GLIS3: variants seen among roughly 807,000 people sequenced by gnomAD.
GLIS3 encodes the protein GLIS family zinc finger 3, also known as zinc finger protein GLIS3.
In GLIS3, 53 loss-of-function variants were observed where a neutral mutation model predicts 78.6. That is an observed-to-expected ratio of 0.67 (90% confidence interval 0.54 to 0.85). GLIS3 has a LOEUF of 0.85. GLIS3 is among the 40% of genes least tolerant of loss of function. GLIS3 has a pLI of 0.00. For synonymous variants in GLIS3, 684 were observed against 509.9 expected, an observed-to-expected ratio of 1.34 and a Z score of -4.60; for missense variants, 1,703 against 1,231.1, an observed-to-expected ratio of 1.38 and a Z score of -5.74.
chr9:4,256,381 C>T (rs949399614), intron 2 of GLIS3, among the ~76,000 whole-genome samples: 3 of 152,082 alleles, frequency 2.0e-5, no homozygotes, highest in Non-Finnish European at 4.4e-5. Context: ...TAAGAAAATA[C>T]CTGGACAACT....
chr9:3,856,395 A>G (rs1588095238), intron 8 of GLIS3, among the ~76,000 whole-genome samples: 1 of 152,326 alleles, frequency 6.6e-6, no homozygotes, highest in Middle Eastern at 3.4e-3. Context: ...ATACAGAGGG[A>G]ATAAACAAGT....
At chr9:4,338,354 T>C (rs757746815) in intron 2 of GLIS3, among the ~76,000 whole-genome samples, 3 of 146,616 alleles carry the variant, frequency 2.0e-5, no homozygotes, top group African/African-American at 5.2e-5. Context: ...TGGATTTCTA[T>C]TATATATGTG....
intron 4 of GLIS3, among the ~76,000 whole-genome samples, chr9:3,971,094 A>T (rs576477): frequency 0.38 from 25,655 of 67,812 alleles, 3,220 homozygotes; most frequent in African/African-American, 0.56. Flanking sequence ...AAGGAAGGAT[A>T]GATCGAAGGA....
chr9:4,295,377 G>C (rs533587238), intron 1 of GLIS3, among the ~76,000 whole-genome samples: 122 of 152,226 alleles, frequency 8.0e-4, no homozygotes, highest in African/African-American at 2.9e-3. Context: ...AGTTTGGTTA[G>C]TGTTTTTCCT....
intron 4 of GLIS3, among the ~76,000 whole-genome samples, chr9:3,962,946 AG>A (rs35272998): frequency 0.38 from 45,241 of 118,674 alleles, 8,004 homozygotes; most frequent in African/African-American, 0.46. Context: ...CTGTGATTTA[AG>A]GGGGGGGGGG....
At chr9:4,295,345 A>T (rs1453813772) in intron 1 of GLIS3, among the ~76,000 whole-genome samples, 2 of 152,218 alleles carry the variant, frequency 1.3e-5, no homozygotes, top group African/African-American at 4.8e-5. Context: ...CCAGACTGTC[A>T]TCAGAATATA....
chr9:3,827,692 A>G lies in GLIS3; in HGVS notation c.*580T>C, dbSNP rs1234730103. 1.9e-5 allele frequency: 3 copies of G among 156,178 alleles called. No homozygotes were observed. The highest frequency in any genetic ancestry group is 4.3e-5 in the Non-Finnish European group (3 of 70,252). The allele number at this position is 156,178 out of a possible 1,614,324, so 9.7% of individuals were successfully genotyped here. Reference sequence around the variant, plus strand: ...ATAGGCTGCTGGCATATAAAACCTTATTTTTCTATTGAAGAGAAACACTGA... The same window carrying G: ...ATAGGCTGCTGGCATATAAAACCTTGTTTTTCTATTGAAGAGAAACACTGA... On this transcript the variant is annotated 3_prime_UTR_variant, in exon 11 of 11. Coordinates refer to ENST00000381971, the MANE Select transcript of GLIS3 (RefSeq NM_001042413.2).
At chr9:4,155,802 G>T (rs758231213) in intron 2 of GLIS3, among the ~76,000 whole-genome samples, 1 of 152,042 alleles carries the variant, frequency 6.6e-6, no homozygotes. Context: ...ATGGGTGTAC[G>T]GTGGGACCTG....
At chr9:4,335,633 AG>A (rs966030567) in intron 2 of GLIS3, among the ~76,000 whole-genome samples, 1 of 152,186 alleles carries the variant, frequency 6.6e-6, no homozygotes, top group African/African-American at 2.4e-5. Flanking sequence ...TAGTACCCTA[AG>A]TAGCCCGGGG....
chr9:4,047,627 T>G (rs1825360907), intron 4 of GLIS3, among the ~76,000 whole-genome samples: 1 of 152,158 alleles, frequency 6.6e-6, no homozygotes, highest in Non-Finnish European at 1.5e-5. Context: ...GACTTACACA[T>G]GGTTCCTGAC....
At chr9:4,250,659 G>T (rs1400646541) in intron 2 of GLIS3, among the ~76,000 whole-genome samples, 2 of 152,068 alleles carry the variant, frequency 1.3e-5, no homozygotes, top group Non-Finnish European at 2.9e-5. Context: ...GCTAGTTTTT[G>T]AATTTGTTTG....
At position 3,898,820 on chromosome 9, in the gene GLIS3, C is replaced by T. The variant is rs1212165117; in HGVS notation, c.1999G>A (p.Glu667Lys). ...QARKKLRSST[E>K]LHPDLLTDCL... ...TCTGTGAGCAGGTCTGGATGGAGCT[C>T]TGTGCTGGACCGCAACTAAGAGGAC... Residue 667 changes from glutamate (E) to lysine (K), a missense_variant, in exon 7 of 11, where the codon GAG (glutamate) becomes AAG (lysine). Transcript: ENST00000381971. 1.9e-6 allele frequency: 3 copies of T among 1,614,088 alleles called. No individual in the cohort carries two copies. Among genetic ancestry groups the T allele is most frequent in the Non-Finnish European group, 2.5e-6 (3 of 1,180,026 alleles).
At chr9:4,243,633 T>C (rs1823533712) in intron 2 of GLIS3, among the ~76,000 whole-genome samples, 1 of 152,246 alleles carries the variant, frequency 6.6e-6, no homozygotes, top group African/African-American at 2.4e-5. Flanking sequence ...ATAGCCATTT[T>C]CAAATATGTG....
chr9:4,266,209 C>T (rs564025556), intron 2 of GLIS3, among the ~76,000 whole-genome samples: 4 of 150,758 alleles, frequency 2.7e-5, no homozygotes, highest in Non-Finnish European at 4.4e-5. Flanking sequence ...TGAGCCACCG[C>T]GCCTGGCCCG....
the GLIS3 span, among the ~76,000 whole-genome samples, chr9:4,422,465 G>T: frequency 5.3e-5 from 8 of 152,308 alleles, no homozygotes; most frequent in African/African-American, 1.9e-4. Flanking sequence ...CCAGGATTTG[G>T]GGTTAGTGGG....
the GLIS3 span, among the ~76,000 whole-genome samples, chr9:4,459,308 A>C: frequency 6.6e-6 from 1 of 152,374 alleles, no homozygotes; most frequent in East Asian, 1.9e-4. Flanking sequence ...AAGACAGCCC[A>C]AGGTAGATAG....
intron 4 of GLIS3, among the ~76,000 whole-genome samples, chr9:4,029,065 A>T (rs1270675082): frequency 6.6e-6 from 1 of 152,176 alleles, no homozygotes. Flanking sequence ...AGAAAAAAAG[A>T]TCTAATTCTA....
chr9:4,387,810 T>A, the GLIS3 span, among the ~76,000 whole-genome samples: 1 of 152,230 alleles, frequency 6.6e-6, no homozygotes, highest in Non-Finnish European at 1.5e-5. Flanking sequence ...AATTCTATTA[T>A]TTAACATAAC....
At chr9:3,957,556 G>C (rs368626856) in intron 4 of GLIS3, among the ~76,000 whole-genome samples, 1 of 152,148 alleles carries the variant, frequency 6.6e-6, no homozygotes. Context: ...GGGCAGTACT[G>C]ACATAGAAAA....
Sources: allele counts gnomAD v4.1 joint callset (sites outside exome capture counted in the v4.1 genomes callset), GRCh38; gene constraint gnomAD v4.1.1; transcripts MANE v1.5; gene names NCBI Gene and HGNC (gene_info 2026-07-23, HGNC 2026-07-21).